FARS2: variants seen among roughly 807,000 people sequenced by gnomAD.
FARS2 encodes phenylalanine--tRNA ligase, mitochondrial.
FARS2 carries 40 observed loss-of-function variants against 46.4 expected under a neutral mutation model. That is an observed-to-expected ratio of 0.86 (90% CI 0.67 to 1.12). FARS2 has a LOEUF of 1.12. FARS2 is among the 50% of genes most tolerant of loss of function. FARS2 has a pLI of 0.00. For missense variants in FARS2, 513 were observed against 567.9 expected, an observed-to-expected ratio of 0.90 and a Z score of 0.98; for synonymous variants, 234 against 214.9, an observed-to-expected ratio of 1.09 and a Z score of -0.78.
At chr6:5,469,807 G>A (rs544215337) in intron 4 of FARS2, among the ~76,000 whole-genome samples, 11 of 152,330 alleles carry the variant, frequency 7.2e-5, no homozygotes, top group African/African-American at 2.6e-4. Flanking sequence ...TTTCTAATCA[G>A]TGTTTTTCAA....
intron 6 of FARS2, among the ~76,000 whole-genome samples, chr6:5,620,024 A>G (rs1266308571): frequency 2.0e-5 from 3 of 151,974 alleles, no homozygotes; most frequent in Non-Finnish European, 2.9e-5. Context: ...CGGCCCTTAC[A>G]TAGAGAAGTT....
intron 6 of FARS2, among the ~76,000 whole-genome samples, chr6:5,651,437 G>A (rs1365182716): frequency 2.0e-5 from 3 of 152,184 alleles, no homozygotes; most frequent in Non-Finnish European, 4.4e-5. Context: ...TAGAAGTCTG[G>A]AGATTTATTC....
At chr6:5,566,731 G>A (rs2326648) in intron 5 of FARS2, among the ~76,000 whole-genome samples, 125,136 of 152,226 alleles carry the variant, frequency 0.82, 51,513 homozygotes, top group Middle Eastern at 0.86. Flanking sequence ...AGTTAAGCTG[G>A]GCACTCTTTA....
At chr6:5,492,789 G>C (rs896456600) in intron 4 of FARS2, among the ~76,000 whole-genome samples, 1 of 152,238 alleles carries the variant, frequency 6.6e-6, no homozygotes, top group Non-Finnish European at 1.5e-5. Flanking sequence ...ATGCACCACT[G>C]TGCCCGGCTT....
chr6:5,706,928 C>T (rs1355544550), intron 6 of FARS2, among the ~76,000 whole-genome samples: 2 of 152,206 alleles, frequency 1.3e-5, no homozygotes, highest in African/African-American at 4.8e-5. Flanking sequence ...TCACAGTCAG[C>T]GGAGCTGTGA....
intron 1 of FARS2, among the ~76,000 whole-genome samples, chr6:5,309,163 G>A (rs940441509): frequency 6.6e-6 from 1 of 152,146 alleles, no homozygotes; most frequent in Non-Finnish European, 1.5e-5. Context: ...TGAAATAAAG[G>A]TTGTCTCTGC....
chr6:5,409,071 C>T (rs1282996894), intron 3 of FARS2, among the ~76,000 whole-genome samples: 4 of 152,076 alleles, frequency 2.6e-5, no homozygotes, highest in Middle Eastern at 3.2e-3. Context: ...GGTTTCCTTA[C>T]AAAAAACAAT....
chr6:5,485,410 T>G (rs902145717), intron 4 of FARS2, among the ~76,000 whole-genome samples: 1 of 151,922 alleles, frequency 6.6e-6, no homozygotes, highest in African/African-American at 2.4e-5. Context: ...CTTGATCCCT[T>G]AAATACTCTA....
chr6:5,738,457 A>C (rs1761092202), intron 6 of FARS2, among the ~76,000 whole-genome samples: 1 of 152,228 alleles, frequency 6.6e-6, no homozygotes. Context: ...TCAATGAGTA[A>C]GAGATTCAGA....
In FARS2 at chr6:5,368,531, G is replaced by C. The variant is rs780728442; in HGVS notation, c.-21-19G>C. 34 of 1,564,694 alleles carry C rather than the reference G, an allele frequency of 2.2e-5. No homozygotes were observed. Among genetic ancestry groups the C allele is most frequent in the South Asian group, 7.3e-5 (6 of 82,206 alleles). On this transcript the variant is annotated intron_variant, in intron 1 of 6. Transcript: ENST00000274680. The stretch of plus-strand genomic sequence containing the variant: ...CAGAGTGACACCTGACTTGTGCTTT[G>C]CCTGTGTGCTCTTTCCAGAACCTGT...
chr6:5,663,392 A>T (rs561731592), intron 6 of FARS2, among the ~76,000 whole-genome samples: 1 of 152,308 alleles, frequency 6.6e-6, no homozygotes, highest in African/African-American at 2.4e-5. Flanking sequence ...GGATGGAATC[A>T]TTTGCCGTAA....
rs574490310 is a variant in FARS2 at position 5,473,957 on chromosome 6, C to G, written c.904+42785C>G. Among the ~76,000 whole-genome samples the G allele has an allele frequency of 3.9e-5, 6 of 152,320 alleles. No individual in the cohort carries two copies. The South Asian group carries it at 1.2e-3, about 32-fold the overall frequency. The stretch of plus-strand genomic sequence containing the variant: ...ATCACTGTGTTTTTAGAACACCACT[C>G]CAGAAACCCAGTCTATCCATGAATG... On this transcript the variant is annotated intron_variant, in intron 4 of 6. Transcript: ENST00000274680.
chr6:5,542,770 G>A lies in FARS2; in HGVS notation c.905-2410G>A, dbSNP rs112160815. On this transcript the variant is annotated intron_variant, in intron 4 of 6. Transcript: ENST00000274680. ...ATAATTTACGAGTTCTAGTTTCAAT[G>A]TGTCATATCTTAATTTTTATTCATT... 1.5e-3 allele frequency among the ~76,000 whole-genome samples: 236 copies of A among 152,268 alleles called. 1 individual carries two copies. Among genetic ancestry groups the A allele is most frequent in the African/African-American group, 5.5e-3 (229 of 41,552 alleles).
intron 2 of FARS2, among the ~76,000 whole-genome samples, chr6:5,397,205 C>T (rs934323421): frequency 1.3e-5 from 2 of 152,112 alleles, no homozygotes; most frequent in Non-Finnish European, 2.9e-5. Context: ...TGAAAAGGCT[C>T]CATACTCTAT....
At chr6:5,266,376 G>C (rs1417892911) in intron 1 of FARS2, among the ~76,000 whole-genome samples, 2 of 152,112 alleles carry the variant, frequency 1.3e-5, no homozygotes, top group African/African-American at 2.4e-5. Context: ...TTTAAGAAAA[G>C]TGAAGCTGCC....
chr6:5,391,880 G>T (rs557819067), intron 2 of FARS2, among the ~76,000 whole-genome samples: 6 of 152,270 alleles, frequency 3.9e-5, no homozygotes, highest in Admixed American at 2.6e-4. Flanking sequence ...TTCCTCAGTA[G>T]TTCTGAACTA....
intron 6 of FARS2, among the ~76,000 whole-genome samples, chr6:5,670,301 A>T (rs1386806815): frequency 6.6e-6 from 1 of 152,230 alleles, no homozygotes; most frequent in Non-Finnish European, 1.5e-5. Context: ...TACATATTCA[A>T]CAGGCAGTAC....
chr6:5,550,209 C>T (rs1235147095), intron 5 of FARS2, among the ~76,000 whole-genome samples: 1 of 152,194 alleles, frequency 6.6e-6, no homozygotes. Flanking sequence ...GGGGATAATT[C>T]TCTGTGGCCC....
the FARS2 span, among the ~76,000 whole-genome samples, chr6:5,250,706 A>G: frequency 1.7e-4 from 24 of 143,340 alleles, no homozygotes; most frequent in African/African-American, 5.7e-4. Flanking sequence ...AAATCCAGTA[A>G]TATAAATTCA....
Sources: allele counts gnomAD v4.1 joint callset (sites outside exome capture counted in the v4.1 genomes callset), GRCh38; gene constraint gnomAD v4.1.1; transcripts MANE v1.5; gene names NCBI Gene and HGNC (gene_info 2026-07-23, HGNC 2026-07-21).